The following ZNF554 variants were observed in gnomAD, a reference collection of about 807,000 sequenced individuals.
ZNF554 encodes zinc finger protein 554.
In ZNF554, 15 loss-of-function variants were observed where a neutral mutation model predicts 21.2. That is an observed-to-expected ratio of 0.71 (90% CI 0.47 to 1.09). ZNF554 has a LOEUF of 1.09. Ranked by LOEUF, ZNF554 falls within the 50% of genes least tolerant of loss-of-function variation. The pLI, the probability that ZNF554 is intolerant of heterozygous loss-of-function variation, is 0.00. For synonymous variants in ZNF554, 258 were observed against 251.4 expected (o/e 1.03, Z -0.25); for missense variants, 691 against 662.7 (o/e 1.04, Z -0.47).
intron 2 of ZNF554, among the ~76,000 whole-genome samples, chr19:2,824,379 C>T (rs1860570): frequency 0.42 from 63,122 of 152,094 alleles, 13,420 homozygotes; most frequent in South Asian, 0.57. Context: ...TACAGGAGGA[C>T]GGGGCTCCCA....
rs200374686 is a variant in ZNF554 at position 2,834,192 on chromosome 19, G to A, written c.957G>A (p.Thr319=). 164 of 1,613,990 alleles carry A rather than the reference G, an allele frequency of 1.0e-4. 2 individuals are homozygous for A. The highest frequency in any genetic ancestry group is 1.0e-3 in the South Asian group (91 of 91,082). Residue 319 remains threonine (T), a synonymous_variant, in exon 5 of 5, where the codon ACG becomes ACA. Transcript: ENST00000317243. ...TGACTATCCACAACAAAATCAACAC[G>A]GCAGAGAAACCCTTTGAGTGCCACC... is the stretch of plus-strand genomic sequence containing the variant. ...MALTIHNKIN[T]AEKPFECHQC...
At chr19:2,828,015 T>C (rs1361691327) in intron 3 of ZNF554, among the ~76,000 whole-genome samples, 1 of 152,144 alleles carries the variant, frequency 6.6e-6, no homozygotes, top group South Asian at 2.1e-4. Context: ...GTGAGACTTA[T>C]TCATTACCAC....
chr19:2,831,523 T>G (rs1257963450), intron 3 of ZNF554: 2 of 151,726 alleles, frequency 1.3e-5, no homozygotes, highest in Non-Finnish European at 2.9e-5. Context: ...CTTGATCTCC[T>G]GACCTCATGA....
Position 2,829,681 on chromosome 19 carries a change from G to A in ZNF554, c.253+1938G>A, listed in dbSNP as rs746668950. Among the ~76,000 whole-genome samples the A allele has an allele frequency of 8.5e-4, 130 of 152,088 alleles. 2 individuals are homozygous for A. The highest frequency in any genetic ancestry group is 4.0e-3 in the Admixed American group (61 of 15,268). ...TATATACATATATATATGCACACAC[G>A]TATCTATCTATATATCTCTATATAA... On this transcript the variant is annotated intron_variant, in intron 3 of 4. Transcript: ENST00000317243.
chr19:2,830,778 T>TTA (rs879297090), intron 3 of ZNF554: 1 of 150,322 alleles, frequency 6.7e-6, no homozygotes, highest in Admixed American at 6.6e-5. Context: ...TTTTTTTTTT[T>TTA]ATGAGACGGA....
At position 2,824,322 on chromosome 19, in the gene ZNF554, C is replaced by T. The variant is rs2087300040; in HGVS notation, c.126+1210C>T. 2.6e-5 allele frequency among the ~76,000 whole-genome samples: 4 copies of T among 152,288 alleles called. No homozygotes were observed. The South Asian group carries it at 8.3e-4, about 32-fold the overall frequency. On this transcript the variant is annotated intron_variant, in intron 2 of 4. Transcript: ENST00000317243. ...GCTGCACCCAGGAGGGCAGATCCTG[C>T]CTCTTCTCAGTTCCCCCAAGAGCAC...
rs199971983 is a variant in ZNF554 at position 2,834,082 on chromosome 19, C to A, written c.847C>A (p.Arg283Ser). The A allele has an allele frequency of 1.5e-5, 24 of 1,613,858 alleles. No individual in the cohort carries two copies. The highest frequency in any genetic ancestry group is 1.8e-5 in the Non-Finnish European group (21 of 1,180,038). ...AAGTAATGAATGTGGAAATGCCATC[C>A]GCCAGAACAGTCACTTTATTCAACA... ...CESNECGNAI[R>S]QNSHFIQHGG... Residue 283 changes from arginine (R) to serine (S), a missense_variant, in exon 5 of 5, where the codon CGC becomes AGC. Coordinates refer to ENST00000317243, the MANE Select transcript of ZNF554 (RefSeq NM_001102651.2).
intron 3 of ZNF554, among the ~76,000 whole-genome samples, chr19:2,830,003 C>T (rs1277650967): frequency 1.3e-5 from 2 of 150,674 alleles, no homozygotes; most frequent in African/African-American, 4.8e-5. Flanking sequence ...TGGCTCACTG[C>T]AAGCTCCGCC....
chr19:2,832,411 T>C lies in ZNF554; in HGVS notation c.362T>C (p.Phe121Ser). 1 of 1,614,196 alleles carries C rather than the reference T, an allele frequency of 6.2e-7. No homozygotes were observed. Among genetic ancestry groups the C allele is most frequent in the South Asian group, 1.1e-5 (1 of 91,088 alleles). The change falls in exon 4 of 5, where the codon TTT becomes TCT. Residue 121 changes from phenylalanine to serine, a missense_variant. Coordinates refer to ENST00000317243, the MANE Select transcript of ZNF554 (RefSeq NM_001102651.2). ...TCCTCATGGACGGGGTATTTACTTT[T>C]TCAACCAGTGGCTTCTTCCCACTTG... The part of the protein sequence containing the change: ...SLSSWTGYLL[F>S]QPVASSHLEQ...
intron 3 of ZNF554, chr19:2,830,712 C>T (rs182817589): frequency 6.6e-6 from 1 of 152,210 alleles, no homozygotes; most frequent in East Asian, 1.9e-4. Context: ...TCTCATGCCT[C>T]AGCCTCCCAA....
At chr19:2,827,509 T>G in intron 2 of ZNF554, 108 bp from the exon 3 acceptor site, 1 of 1,403,262 alleles carries the variant, frequency 7.1e-7, no homozygotes, top group South Asian at 1.4e-5. Flanking sequence ...TTATGGACTT[T>G]GCACCTTGAC....
At position 2,834,172 on chromosome 19, in the gene ZNF554, A is replaced by G; in HGVS notation, c.937A>G (p.Ile313Val). The change falls in exon 5 of 5, where the codon ATC becomes GTC. Residue 313 changes from isoleucine to valine, a missense_variant. By Grantham distance (29) the Ile-to-Val change is conservative (BLOSUM62 3). Coordinates refer to ENST00000317243, the MANE Select transcript of ZNF554 (RefSeq NM_001102651.2). ...QSLNHGMALT[I>V]HNKINTAEKP... The stretch of plus-strand genomic sequence containing the variant: ...ATTGAACCACGGTATGGCCCTGACT[A>G]TCCACAACAAAATCAACACGGCAGA... The G allele has an allele frequency of 6.2e-7, 1 of 1,614,030 alleles. No homozygotes were observed. Among genetic ancestry groups the G allele is most frequent in the Non-Finnish European group, 8.5e-7 (1 of 1,180,038 alleles).
At chr19:2,833,610 T>G (rs2087449139) in intron 4 of ZNF554, 71 bp from the exon 5 acceptor site, 2 of 1,339,150 alleles carry the variant, frequency 1.5e-6, no homozygotes, top group Admixed American at 4.7e-5. Context: ...TCAGAAGGAC[T>G]TCTGTCCCGC....
At position 2,820,129 on chromosome 19, in the gene ZNF554, G is replaced by C. The variant is rs902110264; in HGVS notation, c.53+5G>C. 4.9e-6 allele frequency: 6 copies of C among 1,220,230 alleles called. No homozygotes were observed. Among genetic ancestry groups the C allele is most frequent in the Non-Finnish European group, 6.1e-6 (6 of 980,716 alleles). The allele number at this position is 1,220,230 out of a possible 1,614,324, so 75.6% of individuals were successfully genotyped here. ...GCGGCTCCCGGCAGCTCAGCCGTAAGTGCCGCCGCCTCCCGCGCCGCGACC... is the reference window on the plus strand; with the variant it reads ...GCGGCTCCCGGCAGCTCAGCCGTAACTGCCGCCGCCTCCCGCGCCGCGACC... On this transcript the variant is annotated splice_donor_5th_base_variant and intron_variant, in intron 1 of 4. Coordinates refer to ENST00000317243, the MANE Select transcript of ZNF554 (RefSeq NM_001102651.2).
rs985646769 is a variant in ZNF554, at chr19:2,822,306, C to T, written c.54-734C>T. ...GCTCAAGTGATCCTCGCGCCTCAGC[C>T]TCCCAAAGTGCTGGGATTACAAGTA... is the stretch of plus-strand genomic sequence containing the variant. On this transcript the variant is annotated intron_variant, in intron 1 of 4. Transcript: ENST00000317243. Among the ~76,000 whole-genome samples the T allele has an allele frequency of 3.9e-5, 6 of 152,176 alleles. No homozygotes were observed. In the South Asian group the frequency reaches 1.0e-3, roughly 26 times the overall value.
In ZNF554 at chr19:2,820,112, C is replaced by T; in HGVS notation, c.41C>T (p.Pro14Leu). The change falls in exon 1 of 5, where the codon CCG (proline) becomes CTG (leucine). Residue 14 changes from proline to leucine, a missense_variant. Transcript: ENST00000317243. ...CACCTGGGCCGGCGCGCGCGGCTCCCGGCAGCTCAGCCGTAAGTGCCGCCG... is the reference window on the plus strand; with the variant it reads ...CACCTGGGCCGGCGCGCGCGGCTCCTGGCAGCTCAGCCGTAAGTGCCGCCG... ...CAHLGRRARL[P>L]AAQPSACPGT... The T allele has an allele frequency of 8.2e-7, 1 of 1,220,464 alleles. No homozygotes were observed. Among genetic ancestry groups the T allele is most frequent in the Non-Finnish European group, 1.0e-6 (1 of 980,456 alleles). 75.6% of individuals were successfully genotyped at this position (1,220,464 alleles called of 1,614,324 possible).
Position 2,832,319 on chromosome 19 carries a change from A to T in ZNF554, c.270A>T (p.Gln90His). Reference sequence around the variant, plus strand: ...CTTTTTCAGAAGCCTTGAAGAACCAATGTACTGATGTGGGGATTAAAGAGG... The same window carrying T: ...CTTTTTCAGAAGCCTTGAAGAACCATTGTACTGATGTGGGGATTAAAGAGG... ...NVVSLEALKN[Q>H]CTDVGIKEGP... Residue 90 changes from glutamine (Q) to histidine (H), a missense_variant, in exon 4 of 5, where the codon CAA becomes CAT. Gln to His is a conservative substitution (Grantham distance 24, BLOSUM62 0). Coordinates refer to ENST00000317243, the MANE Select transcript of ZNF554 (RefSeq NM_001102651.2). The T allele has an allele frequency of 6.3e-7, 1 of 1,599,412 alleles. No individual in the cohort carries two copies. The highest frequency in any genetic ancestry group is 2.2e-5 in the East Asian group (1 of 44,800).
At position 2,833,678 on chromosome 19, in the gene ZNF554, C is replaced by G; in HGVS notation, c.446-3C>G. On this transcript the variant is annotated splice_region_variant and splice_polypyrimidine_tract_variant and intron_variant, in intron 4 of 4. Coordinates refer to ENST00000317243, the MANE Select transcript of ZNF554 (RefSeq NM_001102651.2). ...AAATGGTTTCCGCCTCAATTTATTT[C>G]AGATTGGATGACTGTACTAAGAAAC... 1.3e-6 allele frequency: 2 copies of G among 1,510,502 alleles called. No homozygotes were observed. Among genetic ancestry groups the G allele is most frequent in the Non-Finnish European group, 1.8e-6 (2 of 1,130,086 alleles). 93.6% of individuals were successfully genotyped at this position (1,510,502 alleles called of 1,614,324 possible).
Position 2,832,243 on chromosome 19 carries a change from A to C in ZNF554, c.254-60A>C, listed in dbSNP as rs1568335714. 3 of 1,484,860 alleles carry C rather than the reference A, an allele frequency of 2.0e-6. No individual in the cohort carries two copies. In the South Asian group the frequency reaches 4.2e-5, roughly 21 times the overall value. The allele number at this position is 1,484,860 out of a possible 1,614,324, so 92.0% of individuals were successfully genotyped here. A position where few individuals can be genotyped will look rare whatever the true frequency, so the allele number is the denominator to read the frequency against. ...GCCTGGCACAGATCTGTAATTTTTT[A>C]ACTAGAAAATAAAATCATTATCTTG... On this transcript the variant is annotated intron_variant, in intron 3 of 4. Transcript: ENST00000317243.
Sources: gnomAD v4.1 joint callset for allele counts (sites outside exome capture counted in the v4.1 genomes callset) on GRCh38, gnomAD v4.1.1 for gene constraint, MANE v1.5 for transcripts, NCBI Gene and HGNC (gene_info 2026-07-23, HGNC 2026-07-21) for gene names.